Variants in PROM1 observed in about 807,000 individuals in gnomAD.
The protein encoded by PROM1 is prominin-1.
In PROM1, 105 loss-of-function variants were observed where a neutral mutation model predicts 116.9. That is an observed-to-expected ratio of 0.90 (90% CI 0.77 to 1.06). PROM1 has a LOEUF of 1.06. PROM1 is among the 50% of genes least tolerant of loss of function. PROM1 has a pLI of 0.00. For synonymous variants in PROM1, 393 were observed against 387.0 expected (o/e 1.02, Z -0.18); for missense variants, 1,122 against 1,045.2 (o/e 1.07, Z -1.01).
rs781679763 is a variant in PROM1, at chr4:15,989,802, G to A, written c.2006C>T (p.Ser669Phe). ...AATAGTTTGTGCATCTCTTTTCAGG[G>A]AGTTCCTCAAATTTCCTGGGGGCTA... is the stretch of plus-strand genomic sequence containing the variant. ...NSLPPGNLRN[S>F]LKRDAQTIKT... is the part of the protein sequence containing the mutation. Residue 669 changes from serine to phenylalanine, a missense_variant, in exon 19 of 28, where the codon TCC (serine) becomes TTC (phenylalanine). By Grantham distance (155) the Ser-to-Phe change is radical (BLOSUM62 -2). Coordinates refer to ENST00000447510, the MANE Select transcript of PROM1 (RefSeq NM_006017.3). 1.9e-6 allele frequency: 3 copies of A among 1,607,322 alleles called. No individual in the cohort carries two copies. The highest frequency in any genetic ancestry group is 2.6e-6 in the Non-Finnish European group (3 of 1,176,310).
At chr4:16,018,570 A>C in intron 8 of PROM1, 30 bp from the exon 9 acceptor site, 1 of 1,564,640 alleles carries the variant, frequency 6.4e-7, no homozygotes, top group Non-Finnish European at 8.7e-7. Flanking sequence ...TTCAGAACAC[A>C]CATGCCAAGT....
intron 2 of PROM1, among the ~76,000 whole-genome samples, chr4:16,040,296 T>C (rs920754084): frequency 2.0e-5 from 3 of 152,154 alleles, no homozygotes; most frequent in Non-Finnish European, 4.4e-5. Flanking sequence ...CAAACTGATA[T>C]GTACCCAGGG....
rs1181441390 is a variant in PROM1 at position 16,006,571 on chromosome 4, C to T, written c.1421G>A (p.Cys474Tyr). ...DRHATPTTRGCVSNTGGVFLM... is the reference protein window; with the variant it reads ...DRHATPTTRGYVSNTGGVFLM... ...GAAGACGCCTCCGGTGTTGGAGACA[C>T]AGCCTCGGGTGGTCGGGGTGGCATG... The change falls in exon 13 of 28, where the codon TGT becomes TAT. Residue 474 changes from cysteine to tyrosine, a missense_variant. Physicochemically the swap from Cys to Tyr is radical, Grantham distance 194 (BLOSUM62 -2). Transcript: ENST00000447510. 1 of 1,601,400 alleles carries T rather than the reference C, an allele frequency of 6.2e-7. No individual in the cohort carries two copies. The highest frequency in any genetic ancestry group is 1.7e-5 in the Admixed American group (1 of 58,114).
At chr4:15,990,496 C>A (rs886630475) in intron 18 of PROM1, among the ~76,000 whole-genome samples, 13 of 152,268 alleles carry the variant, frequency 8.5e-5, no homozygotes, top group African/African-American at 3.1e-4. Flanking sequence ...CCTCCCACAG[C>A]CCCAGGTACT....
At position 16,078,769 on chromosome 4, in the gene PROM1, T is replaced by C. The variant is rs1276303091; in HGVS notation, c.-212-2651A>G. The stretch of plus-strand genomic sequence containing the variant: ...CAATATTCCAAGTCAAAGAAAGCTT[T>C]GGACAACAGATGGGATTTCTTGAGC... On this transcript the variant is annotated intron_variant, in intron 1 of 27. Transcript: ENST00000447510. 2.0e-5 allele frequency among the ~76,000 whole-genome samples: 3 copies of C among 152,354 alleles called. No homozygotes were observed. The East Asian group carries it at 5.8e-4, about 29-fold the overall frequency.
chr4:16,046,541 T>C (rs1736587302), intron 2 of PROM1, among the ~76,000 whole-genome samples: 1 of 152,250 alleles, frequency 6.6e-6, no homozygotes, highest in Non-Finnish European at 1.5e-5. Context: ...AGCCAATTCA[T>C]TGCCTGAAAA....
intron 23 of PROM1, among the ~76,000 whole-genome samples, chr4:15,980,946 G>T (rs1003775565): frequency 2.8e-5 from 4 of 145,140 alleles, no homozygotes; most frequent in Non-Finnish European, 4.5e-5. Context: ...CTTATGAGTT[G>T]TTATTTATTT....
chr4:16,077,022 T>G (rs1425395252), intron 1 of PROM1, among the ~76,000 whole-genome samples: 2 of 152,218 alleles, frequency 1.3e-5, no homozygotes, highest in South Asian at 2.1e-4. Context: ...CCCCATGTGA[T>G]AGTCTGAAAT....
intron 1 of PROM1, among the ~76,000 whole-genome samples, chr4:16,080,410 T>C (rs564329677): frequency 8.6e-5 from 13 of 151,800 alleles, no homozygotes; most frequent in Non-Finnish European, 8.8e-5. Context: ...TAGTCCCAGC[T>C]ACTCGGGAGG....
At position 16,008,950 on chromosome 4, in the gene PROM1, A is replaced by G. The variant is rs761560893; in HGVS notation, c.1300T>C (p.Trp434Arg). 19 of 1,581,008 alleles carry G rather than the reference A, an allele frequency of 1.2e-5. No individual in the cohort carries two copies. The highest frequency in any genetic ancestry group is 8.4e-5 in the Admixed American group (5 of 59,466). The stretch of plus-strand genomic sequence containing the variant: ...CACCAGCTCCAAGGAGACACTCACC[A>G]GTATGAATCATACTCTTCCAATGTA... ...LPTLEEYDSYWWLGGLVICSL... is the reference protein window; with the variant it reads ...LPTLEEYDSYRWLGGLVICSL... Residue 434 changes from tryptophan to arginine, a missense_variant and splice_region_variant, in exon 12 of 28, where the codon TGG becomes CGG. By Grantham distance (101) the Trp-to-Arg change is moderately radical. Transcript: ENST00000447510.
At chr4:15,990,368 G>A (rs1462954272) in intron 18 of PROM1, among the ~76,000 whole-genome samples, 2 of 152,188 alleles carry the variant, frequency 1.3e-5, no homozygotes, top group Non-Finnish European at 2.9e-5. Context: ...GGCCAGTTAA[G>A]GCCAAGTAGT....
At chr4:16,048,078 T>G (rs1736948749) in intron 2 of PROM1, among the ~76,000 whole-genome samples, 1 of 152,160 alleles carries the variant, frequency 6.6e-6, no homozygotes, top group South Asian at 2.1e-4. Flanking sequence ...CTGAAAAATA[T>G]ACTTATCACC....
chr4:16,044,555 C>G (rs1736073789), intron 2 of PROM1, among the ~76,000 whole-genome samples: 1 of 152,192 alleles, frequency 6.6e-6, no homozygotes, highest in Admixed American at 6.6e-5. Flanking sequence ...GGGGGTCTTG[C>G]ACGTGGCTCT....
intron 2 of PROM1, among the ~76,000 whole-genome samples, chr4:16,075,268 A>G (rs1430372346): frequency 6.6e-6 from 1 of 152,180 alleles, no homozygotes; most frequent in Admixed American, 6.5e-5. Context: ...TGGTGGGCAG[A>G]AGAGAGTTAA....
intron 3 of PROM1, 81 bp from the exon 4 acceptor site, chr4:16,035,842 C>G (rs898892259): frequency 1.6e-6 from 2 of 1,277,034 alleles, no homozygotes; most frequent in African/African-American, 2.9e-5. Context: ...TATGAGTGAT[C>G]AACCATAACC....
chr4:16,080,494 C>G, intron 1 of PROM1: 1 of 151,970 alleles, frequency 6.6e-6, no homozygotes, highest in East Asian at 1.9e-4. Flanking sequence ...TGCACTCCAG[C>G]CTGGGTGACA....
At chr4:15,991,967 C>T (rs1294692203) in intron 17 of PROM1, among the ~76,000 whole-genome samples, 1 of 139,552 alleles carries the variant, frequency 7.2e-6, no homozygotes, top group Non-Finnish European at 1.5e-5. Context: ...AAAAAGACCA[C>T]AGATGGGTGG....
intron 11 of PROM1, among the ~76,000 whole-genome samples, chr4:16,012,146 A>G (rs886180543): frequency 6.6e-6 from 1 of 152,090 alleles, no homozygotes; most frequent in African/African-American, 2.4e-5. Flanking sequence ...ACAGGGATGC[A>G]CAACCATGCC....
At chr4:16,037,002 G>C (rs1454042318) in intron 3 of PROM1, among the ~76,000 whole-genome samples, 1 of 152,182 alleles carries the variant, frequency 6.6e-6, no homozygotes, top group Admixed American at 6.5e-5. Context: ...GGAGCCAGGG[G>C]TATAAACCAA....
Sources: gnomAD v4.1 joint callset for allele counts (sites outside exome capture counted in the v4.1 genomes callset) on GRCh38, gnomAD v4.1.1 for gene constraint, MANE v1.5 for transcripts, NCBI Gene and HGNC (gene_info 2026-07-23, HGNC 2026-07-21) for gene names.